The following ZNF823 variants were observed in gnomAD, a reference collection of about 807,000 sequenced individuals.
ZNF823 encodes the protein ZFP 36 for a zinc finger protein.
A neutral mutation model predicts 11.4 loss-of-function variants in ZNF823; 5 were observed. The observed-to-expected ratio is 0.44, with a 90% confidence interval of 0.23 to 0.92. The LOEUF is 0.92. Among genes scored for constraint, ZNF823 ranks in the 40% least tolerant of loss-of-function variants. ZNF823 has a pLI of 0.24. For synonymous variants in ZNF823, 234 were observed against 250.5 expected (o/e 0.93, Z 0.62); for missense variants, 582 against 738.5 (o/e 0.79, Z 2.46).
At chr19:11,736,797 C>CT (rs1974999622) in intron 1 of ZNF823, among the ~76,000 whole-genome samples, 1 of 152,180 alleles carries the variant, frequency 6.6e-6, no homozygotes, top group Non-Finnish European at 1.5e-5. Flanking sequence ...ATCTCCCACC[C>CT]CAGTGCTGCT....
At chr19:11,729,247 G>A (rs1469024343) in intron 1 of ZNF823, among the ~76,000 whole-genome samples, 8 of 151,388 alleles carry the variant, frequency 5.3e-5, no homozygotes, top group Non-Finnish European at 1.5e-5. Flanking sequence ...ACTGAAAGAT[G>A]CAAATACATT....
intron 1 of ZNF823, among the ~76,000 whole-genome samples, chr19:11,732,103 T>C (rs1322325962): frequency 6.6e-6 from 1 of 150,814 alleles, no homozygotes; most frequent in Non-Finnish European, 1.5e-5. Flanking sequence ...AAAGGATTTC[T>C]CAACAACAGC....
chr19:11,732,585 C>T (rs1273808050), intron 1 of ZNF823, among the ~76,000 whole-genome samples: 1 of 151,868 alleles, frequency 6.6e-6, no homozygotes, highest in Non-Finnish European at 1.5e-5. Flanking sequence ...AGGCGTGAGC[C>T]ACCGCGCCCG....
chr19:11,731,828 G>T (rs1376377340), intron 1 of ZNF823, among the ~76,000 whole-genome samples: 1 of 151,988 alleles, frequency 6.6e-6, no homozygotes, highest in Admixed American at 6.6e-5. Context: ...TGGCCAACAT[G>T]GAGAAACCCC....
At chr19:11,730,630 G>T (rs1974875958) in intron 1 of ZNF823, 1 of 152,040 alleles carries the variant, frequency 6.6e-6, no homozygotes, top group Non-Finnish European at 1.5e-5. Context: ...CACAGTAGAT[G>T]AAAGGCCATA....
intron 1 of ZNF823, among the ~76,000 whole-genome samples, chr19:11,726,319 T>A (rs965100900): frequency 2.0e-5 from 3 of 147,424 alleles, no homozygotes; most frequent in Admixed American, 6.9e-5. Context: ...AATTTTTTTT[T>A]AACTTAACTC....
At chr19:11,724,122 C>T (rs929293054) in intron 3 of ZNF823, 72 bp downstream of exon 3, 31 of 1,279,706 alleles carry the variant, frequency 2.4e-5, no homozygotes, top group South Asian at 1.2e-4. Flanking sequence ...TTTCTCTGCT[C>T]GTTTTTAAAA....
In ZNF823 at chr19:11,722,384, CTG is replaced by C. The variant is rs775736256; in HGVS notation, c.1148_1149del (p.Thr383ArgfsTer24). ...ATCTTGCATTTCTGGGGTCCATCTCCTGTGTGTGTTATCATGTGACTTCGAAA... is the reference window on the plus strand; with the variant it reads ...ATCTTGCATTTCTGGGGTCCATCTCCTGTGTGTTATCATGTGACTTCGAAA... The part of the protein sequence containing the change: ...SSFRSHMITH[T>X]GDGPQKCKIC... On this transcript the variant is annotated frameshift_variant, in exon 4 of 4. Transcript: ENST00000341191. LOFTEE classifies it low-confidence loss of function (END_TRUNC). The surrounding 1 kb of genome is among the most constrained non-coding windows in gnomAD (Gnocchi z 5.2). The C allele has an allele frequency of 1.2e-6, 2 of 1,614,038 alleles. No homozygotes were observed. Among genetic ancestry groups the C allele is most frequent in the South Asian group, 2.2e-5 (2 of 91,074 alleles).
At chr19:11,728,678 T>C (rs928776984) in intron 1 of ZNF823, among the ~76,000 whole-genome samples, 5 of 152,118 alleles carry the variant, frequency 3.3e-5, no homozygotes, top group African/African-American at 1.2e-4. Context: ...ACTATACTAA[T>C]AGAAGCAAGC....
intron 1 of ZNF823, among the ~76,000 whole-genome samples, chr19:11,733,345 G>T (rs561733105): frequency 4.7e-5 from 6 of 128,956 alleles, no homozygotes; most frequent in East Asian, 4.8e-4. Context: ...CCAGCCTAGC[G>T]ACAGAGTGAG....
intron 1 of ZNF823, among the ~76,000 whole-genome samples, chr19:11,728,304 A>G (rs149303453): frequency 6.6e-6 from 1 of 152,224 alleles, no homozygotes; most frequent in African/African-American, 2.4e-5. Context: ...TACGGTTAAG[A>G]CGAACAGCAG....
At chr19:11,725,066 G>T in intron 2 of ZNF823, 135 bp downstream of exon 2, 1 of 1,158,218 alleles carries the variant, frequency 8.6e-7, no homozygotes, top group Non-Finnish European at 1.2e-6. Flanking sequence ...CTGTTTGAGG[G>T]GCTGACACCT....
chr19:11,726,073 C>T (rs770461347), intron 1 of ZNF823: 50 of 84,690 alleles, frequency 5.9e-4, no homozygotes, highest in Non-Finnish European at 1.1e-3. Context: ...ATAAAAAATA[C>T]AAAAAAAAAA....
chr19:11,724,678 C>G (rs1482600908), intron 2 of ZNF823, among the ~76,000 whole-genome samples: 1 of 151,656 alleles, frequency 6.6e-6, no homozygotes, highest in Non-Finnish European at 1.5e-5. Flanking sequence ...CCTGCCTCAG[C>G]CTCCCGAGTA....
At position 11,738,940 on chromosome 19, in the gene ZNF823, C is replaced by G; in HGVS notation, c.-121G>C. On this transcript the variant is annotated 5_prime_UTR_variant, in exon 1 of 4. Transcript: ENST00000341191. ...TCAGCGCCAGAGCCAGGACTCAGAG[C>G]GCAGGGGCGTGGAGAAGACTCCGCG... 7.6e-7 allele frequency: 1 copy of G among 1,317,362 alleles called. No individual in the cohort carries two copies. The highest frequency in any genetic ancestry group is 1.0e-6 in the Non-Finnish European group (1 of 978,654). The allele number at this position is 1,317,362 out of a possible 1,614,324, so 81.6% of individuals were successfully genotyped here.
Position 11,721,904 on chromosome 19 carries a change from G to A in ZNF823, c.1630C>T (p.Arg544Ter), listed in dbSNP as rs537243329. ...KAFSWLTCLL[R>*]HERIHTGEKP... is the part of the protein sequence containing the mutation. ...TCTCCAGTGTGAATTCTTTCATGTC[G>A]TAGAAGGCAAGTGAGCCAAGAGAAT... Residue 544 changes from arginine to a stop codon, truncating the protein, a stop_gained, in exon 4 of 4, where the codon CGA becomes TGA. Coordinates refer to ENST00000341191, the MANE Select transcript of ZNF823 (RefSeq NM_001080493.4). LOFTEE classifies it low-confidence loss of function (END_TRUNC). 2.9e-5 allele frequency: 47 copies of A among 1,607,042 alleles called. No individual in the cohort carries two copies. Among genetic ancestry groups the A allele is most frequent in the Non-Finnish European group, 3.9e-5 (46 of 1,177,050 alleles).
chr19:11,729,921 G>C (rs910533932), intron 1 of ZNF823, among the ~76,000 whole-genome samples: 2 of 142,834 alleles, frequency 1.4e-5, no homozygotes, highest in African/African-American at 5.2e-5. Context: ...CCTGAGTAAA[G>C]AATCTTTTTT....
chr19:11,731,001 TAAAA>T (rs1299112742), intron 1 of ZNF823, among the ~76,000 whole-genome samples: 3 of 58,044 alleles, frequency 5.2e-5, no homozygotes, highest in Non-Finnish European at 1.1e-4. Flanking sequence ...GCAAAGAAAC[TAAAA>T]AAAAAAAAAA....
At chr19:11,734,768 A>G (rs1053294132) in intron 1 of ZNF823, among the ~76,000 whole-genome samples, 1 of 151,890 alleles carries the variant, frequency 6.6e-6, no homozygotes, top group Non-Finnish European at 1.5e-5. Flanking sequence ...TGAACTCTTG[A>G]CCTCAGGTGA....
Sources: allele counts gnomAD v4.1 joint callset (sites outside exome capture counted in the v4.1 genomes callset), GRCh38; gene constraint gnomAD v4.1.1; non-coding constraint Gnocchi (gnomAD v3.1); transcripts MANE v1.5; gene names NCBI Gene and HGNC (gene_info 2026-07-23, HGNC 2026-07-21).